The following MARK3 variants were observed in gnomAD, a reference collection of about 807,000 sequenced individuals.
MARK3 encodes microtubule affinity regulating kinase 3.
In MARK3, 46 loss-of-function variants were observed where a neutral mutation model predicts 90.1. That is an observed-to-expected ratio of 0.51 (90% CI 0.40 to 0.65). The LOEUF is 0.65. Ranked by LOEUF, MARK3 falls within the 30% of genes least tolerant of loss-of-function variation. MARK3 has a pLI of 0.00. For missense variants in MARK3, 818 were observed against 947.2 expected, an observed-to-expected ratio of 0.86 and a Z score of 1.79; for synonymous variants, 321 against 332.6, an observed-to-expected ratio of 0.97 and a Z score of 0.38.
At chr14:103,391,282 GC>G (rs1450586192) in intron 1 of MARK3, among the ~76,000 whole-genome samples, 3 of 152,100 alleles carry the variant, frequency 2.0e-5, no homozygotes, top group Admixed American at 6.5e-5. Flanking sequence ...TATGTACTTA[GC>G]CCCCCATGTA....
rs976707505 is a variant in MARK3 at position 103,484,550 on chromosome 14, C to T, written c.1586+4060C>T. On this transcript the variant is annotated intron_variant, in intron 14 of 17. Coordinates refer to ENST00000429436, the MANE Select transcript of MARK3 (RefSeq NM_001128918.3). Reference sequence around the variant, plus strand: ...ATTGTGAAGTGGCTTATTATTTTATCCACTTTACCCTGCATCAAGTCACAT... The same window carrying T: ...ATTGTGAAGTGGCTTATTATTTTATTCACTTTACCCTGCATCAAGTCACAT... 3.3e-5 allele frequency among the ~76,000 whole-genome samples: 5 copies of T among 152,174 alleles called. 1 individual carries two copies. Among genetic ancestry groups the T allele is most frequent in the Admixed American group, 3.3e-4 (5 of 15,288 alleles).
At chr14:103,430,284 C>A (rs2092541227) in intron 3 of MARK3, among the ~76,000 whole-genome samples, 2 of 152,088 alleles carry the variant, frequency 1.3e-5, no homozygotes, top group South Asian at 4.1e-4. Flanking sequence ...GTGTATATAA[C>A]TTCATATGCT....
At chr14:103,496,729 A>C (rs2075363088) in intron 15 of MARK3, among the ~76,000 whole-genome samples, 1 of 152,086 alleles carries the variant, frequency 6.6e-6, no homozygotes, top group Admixed American at 6.6e-5. Context: ...TTTTTTAATA[A>C]AAAGAAAAAA....
At chr14:103,413,232 G>A (rs1442383876) in intron 2 of MARK3, among the ~76,000 whole-genome samples, 1 of 151,984 alleles carries the variant, frequency 6.6e-6, no homozygotes, top group Non-Finnish European at 1.5e-5. Context: ...TTCAGGTTTT[G>A]TAACTTTTTT....
At chr14:103,444,788 G>A (rs1292529584) in intron 3 of MARK3, among the ~76,000 whole-genome samples, 1 of 151,842 alleles carries the variant, frequency 6.6e-6, no homozygotes, top group African/African-American at 2.4e-5. Context: ...AAAAAAAAAA[G>A]TAGAAATAAG....
intron 3 of MARK3, among the ~76,000 whole-genome samples, chr14:103,437,325 C>T (rs973185610): frequency 2.4e-4 from 36 of 151,500 alleles, no homozygotes; most frequent in South Asian, 2.1e-4. Flanking sequence ...ACCTGGGAGG[C>T]GGAGCTTGCA....
chr14:103,490,850 A>G, intron 14 of MARK3: 1 of 613,548 alleles, frequency 1.6e-6, no homozygotes, highest in Non-Finnish European at 2.1e-6. Flanking sequence ...CAGAAATGAG[A>G]TGGCTTGGGA....
At chr14:103,478,727 C>T (rs533720035) in intron 13 of MARK3, among the ~76,000 whole-genome samples, 8 of 151,942 alleles carry the variant, frequency 5.3e-5, no homozygotes, top group Admixed American at 1.3e-4. Flanking sequence ...TTAGTAGAGA[C>T]GGGGTTTCTC....
At chr14:103,412,634 G>C (rs1259067571) in intron 2 of MARK3, 2 of 991,860 alleles carry the variant, frequency 2.0e-6, no homozygotes, top group African/African-American at 4.5e-5. Context: ...GTCCTTCTGG[G>C]GGTCATAGTT....
At chr14:103,411,204 A>G (rs1217314510) in intron 2 of MARK3, among the ~76,000 whole-genome samples, 1 of 152,120 alleles carries the variant, frequency 6.6e-6, no homozygotes, top group African/African-American at 2.4e-5. Flanking sequence ...AACCCGGGAG[A>G]CGGAGCTTGC....
chr14:103,419,495 GAA>G (rs1056025635), intron 2 of MARK3, among the ~76,000 whole-genome samples: 3 of 152,054 alleles, frequency 2.0e-5, no homozygotes, highest in African/African-American at 7.2e-5. Context: ...GCAAATTATT[GAA>G]AAGAGTGAAT....
rs751833986 is a variant in MARK3, at chr14:103,467,991, G to C, written c.1111-42G>C. On this transcript the variant is annotated intron_variant, in intron 11 of 17. Transcript: ENST00000429436. ...TTTAACTTCCTAATAAGCCATTTGG[G>C]TTCGTGTTGTGGTTTGCTCTGTTTT... 3.1e-6 allele frequency: 5 copies of C among 1,598,136 alleles called. No individual in the cohort carries two copies. The African/African-American group carries it at 5.4e-5, about 17-fold the overall frequency.
intron 2 of MARK3, among the ~76,000 whole-genome samples, chr14:103,411,683 C>T (rs996164763): frequency 1.3e-5 from 2 of 151,598 alleles, no homozygotes; most frequent in African/African-American, 2.4e-5. Context: ...AGTGCAGTGG[C>T]GGGATCTCGG....
intron 5 of MARK3, 54 bp downstream of exon 5, chr14:103,452,037 A>T (rs764217138): frequency 8.8e-7 from 1 of 1,135,022 alleles, no homozygotes; most frequent in South Asian, 1.3e-5. Flanking sequence ...TTTTAAAAAA[A>T]TACACAACCA....
chr14:103,403,724 T>C (rs2091108433), intron 1 of MARK3, among the ~76,000 whole-genome samples: 1 of 152,250 alleles, frequency 6.6e-6, no homozygotes, highest in South Asian at 2.1e-4. Context: ...CCTGTTTTTG[T>C]ATTAAAGCCT....
At chr14:103,466,264 T>C (rs2141585650) in intron 9 of MARK3, 79 bp from the exon 10 acceptor site, 1 of 1,316,344 alleles carries the variant, frequency 7.6e-7, no homozygotes, top group East Asian at 2.4e-5. Flanking sequence ...AATGAAATGT[T>C]GAAAATAAAT....
At position 103,405,223 on chromosome 14, in the gene MARK3, T is replaced by A; in HGVS notation, c.199T>A (p.Phe67Ile). 1 of 1,573,736 alleles carries A rather than the reference T, an allele frequency of 6.4e-7. No individual in the cohort carries two copies. ...RLLKTIGKGN[F>I]AKVKLARHIL... ...GTTGAAAACAATCGGCAAGGGGAAT[T>A]TTGCAAAAGTAAAATTGGCAAGACA... Residue 67 changes from phenylalanine (F) to isoleucine (I), a missense_variant, in exon 2 of 18, where the codon TTT (phenylalanine) becomes ATT (isoleucine). Around this residue, in one of 3 missense-constraint regions of MARK3, gnomAD observed 157 missense variants for 158.7 expected, o/e 0.99. Coordinates refer to ENST00000429436, the MANE Select transcript of MARK3 (RefSeq NM_001128918.3).
At chr14:103,407,903 C>T (rs569853561) in intron 2 of MARK3, among the ~76,000 whole-genome samples, 1 of 152,228 alleles carries the variant, frequency 6.6e-6, no homozygotes, top group East Asian at 1.9e-4. Flanking sequence ...CTGCTTTTCC[C>T]TGTACCTGAA....
chr14:103,470,934 T>C (rs939938976), intron 12 of MARK3, among the ~76,000 whole-genome samples: 1 of 152,208 alleles, frequency 6.6e-6, no homozygotes, highest in Non-Finnish European at 1.5e-5. Context: ...CTACATGGTT[T>C]AGACTGAAGC....
Sources: gnomAD v4.1 joint callset for allele counts (sites outside exome capture counted in the v4.1 genomes callset) on GRCh38, gnomAD v4.1.1 for gene constraint, gnomAD v4.1.1 regional missense constraint, MANE v1.5 for transcripts, NCBI Gene and HGNC (gene_info 2026-07-23, HGNC 2026-07-21) for gene names.